CNTNAP2: variants seen among roughly 807,000 people sequenced by gnomAD.
CNTNAP2 encodes contactin associated protein 2, also known as contactin-associated protein-like 2.
CNTNAP2 carries 98 observed loss-of-function variants against 155.2 expected under a neutral mutation model. The observed-to-expected ratio is 0.63, with a 90% confidence interval of 0.54 to 0.75. The LOEUF is 0.75. Ranked by LOEUF, CNTNAP2 falls within the 30% of genes least tolerant of loss-of-function variation. The probability of loss-of-function intolerance (pLI) is 0.00; values close to 1 mark genes in which losing one functional copy is unlikely to be tolerated. For synonymous variants in CNTNAP2, 651 were observed against 631.2 expected (o/e 1.03, Z -0.47); for missense variants, 1,727 against 1,688.1 (o/e 1.02, Z -0.40).
chr7:147,887,270 G>C (rs181796054), intron 13 of CNTNAP2, among the ~76,000 whole-genome samples: 1 of 152,238 alleles, frequency 6.6e-6, no homozygotes, highest in Middle Eastern at 3.4e-3. Context: ...TCAGGAGTTC[G>C]AGACCAGCTT....
intron 1 of CNTNAP2, among the ~76,000 whole-genome samples, chr7:146,642,875 G>T (rs188938757): frequency 6.6e-6 from 1 of 151,752 alleles, no homozygotes; most frequent in Admixed American, 6.6e-5. Flanking sequence ...ATGGTATCTC[G>T]TTGTGGTTTT....
intron 1 of CNTNAP2, among the ~76,000 whole-genome samples, chr7:146,653,582 A>G (rs187284327): frequency 1.3e-5 from 2 of 152,330 alleles, no homozygotes; most frequent in East Asian, 3.9e-4. Flanking sequence ...TTACATTTTT[A>G]AAATTAGACC....
chr7:146,781,656 C>T (rs1802492679), intron 2 of CNTNAP2, among the ~76,000 whole-genome samples: 1 of 152,174 alleles, frequency 6.6e-6, no homozygotes, highest in Non-Finnish European at 1.5e-5. Context: ...CCTTATTCTA[C>T]TCTTGAGAAA....
chr7:147,920,865 G>C (rs1055025589), intron 14 of CNTNAP2, among the ~76,000 whole-genome samples: 2 of 145,290 alleles, frequency 1.4e-5, no homozygotes. Flanking sequence ...GCTGGAGTGC[G>C]GTGGCGTGAT....
At chr7:146,862,643 C>T (rs1207647200) in intron 3 of CNTNAP2, among the ~76,000 whole-genome samples, 2 of 152,192 alleles carry the variant, frequency 1.3e-5, no homozygotes. Context: ...ATATCACAGA[C>T]AACTCTCAAA....
chr7:146,613,559 T>TA (rs771676113), intron 1 of CNTNAP2, among the ~76,000 whole-genome samples: 2 of 151,702 alleles, frequency 1.3e-5, no homozygotes, highest in African/African-American at 2.4e-5. Flanking sequence ...GTCGAAAGAG[T>TA]AAAAAAAGAT....
At chr7:146,546,195 G>C (rs2129141859) in intron 1 of CNTNAP2, among the ~76,000 whole-genome samples, 1 of 152,036 alleles carries the variant, frequency 6.6e-6, no homozygotes, top group East Asian at 1.9e-4. Context: ...GAAGACTGAT[G>C]TTGGGAGATT....
chr7:147,562,400 A>ACATTTCATCATCTTATC, intron 12 of CNTNAP2, 143 bp downstream of exon 12: 1 of 1,068,588 alleles, frequency 9.4e-7, no homozygotes, highest in Non-Finnish European at 1.4e-6. Context: ...GTTAGATAAG[A>ACATTTCATCATCTTATC]TGATGAAATG....
chr7:146,877,500 G>A (rs1375087760), intron 3 of CNTNAP2, among the ~76,000 whole-genome samples: 1 of 151,430 alleles, frequency 6.6e-6, no homozygotes, highest in Admixed American at 6.6e-5. Flanking sequence ...ACAAGAGCCT[G>A]TCTGTAAAAT....
chr7:148,144,341 C>T (rs1171902243), intron 16 of CNTNAP2, among the ~76,000 whole-genome samples: 3 of 152,134 alleles, frequency 2.0e-5, no homozygotes, highest in Non-Finnish European at 4.4e-5. Context: ...TTGGGGTTTC[C>T]TAAGTCCAGG....
intron 20 of CNTNAP2, among the ~76,000 whole-genome samples, chr7:148,244,386 GT>G (rs755331843): frequency 1.3e-5 from 2 of 152,144 alleles, no homozygotes; most frequent in African/African-American, 4.8e-5. Flanking sequence ...TGAGAAGGCT[GT>G]TTTTTAGGAA....
At chr7:146,462,763 A>G (rs537751577) in intron 1 of CNTNAP2, among the ~76,000 whole-genome samples, 24 of 151,888 alleles carry the variant, frequency 1.6e-4, no homozygotes, top group Non-Finnish European at 2.5e-4. Flanking sequence ...AAACTTATTT[A>G]CTCCTTGTAG....
Position 146,702,294 on chromosome 7 carries a change from A to T in CNTNAP2, c.98-71977A>T, listed in dbSNP as rs1404371451. Among the ~76,000 whole-genome samples the T allele has an allele frequency of 3.3e-5, 5 of 152,176 alleles. No individual in the cohort carries two copies. The South Asian group carries it at 1.0e-3, about 31-fold the overall frequency. ...GAATTGTGAAATTCTTTAGAAAAGCATTCTATAGAAAAAAATTAAGTATTC... is the reference window on the plus strand; with the variant it reads ...GAATTGTGAAATTCTTTAGAAAAGCTTTCTATAGAAAAAAATTAAGTATTC... On this transcript the variant is annotated intron_variant, in intron 1 of 23. Transcript: ENST00000361727.
intron 18 of CNTNAP2, among the ~76,000 whole-genome samples, chr7:148,201,600 C>T (rs1795371868): frequency 6.6e-6 from 1 of 152,150 alleles, no homozygotes; most frequent in Middle Eastern, 3.4e-3. Context: ...AGTTGGTTTC[C>T]CTAATTCTCA....
At chr7:146,502,855 T>C (rs1406251817) in intron 1 of CNTNAP2, among the ~76,000 whole-genome samples, 1 of 152,210 alleles carries the variant, frequency 6.6e-6, no homozygotes, top group Non-Finnish European at 1.5e-5. Flanking sequence ...CCTCAAGTGA[T>C]CTGCCTGCCT....
At chr7:146,348,272 C>A (rs7791641) in intron 1 of CNTNAP2, among the ~76,000 whole-genome samples, 35,060 of 151,682 alleles carry the variant, frequency 0.23, 8,465 homozygotes, top group African/African-American at 0.62. Context: ...TATAAAAAAA[C>A]AAATTAGCTG....
At chr7:146,664,631 A>G (rs1410609881) in intron 1 of CNTNAP2, among the ~76,000 whole-genome samples, 2 of 152,152 alleles carry the variant, frequency 1.3e-5, no homozygotes, top group Non-Finnish European at 2.9e-5. Context: ...TTTCTCCACA[A>G]GGTTTTCTAT....
At chr7:146,904,125 C>G (rs769446598) in intron 3 of CNTNAP2, among the ~76,000 whole-genome samples, 2 of 152,166 alleles carry the variant, frequency 1.3e-5, no homozygotes, top group Non-Finnish European at 2.9e-5. Context: ...CCCACAATAT[C>G]TTAATGATTT....
intron 1 of CNTNAP2, among the ~76,000 whole-genome samples, chr7:146,472,225 G>T (rs961056233): frequency 1.1e-4 from 16 of 152,118 alleles, no homozygotes; most frequent in Non-Finnish European, 2.1e-4. Flanking sequence ...AGGGAATATG[G>T]AGGTCTGCGC....
Sources: allele counts gnomAD v4.1 joint callset (sites outside exome capture counted in the v4.1 genomes callset), GRCh38; gene constraint gnomAD v4.1.1; transcripts MANE v1.5; gene names NCBI Gene and HGNC (gene_info 2026-07-23, HGNC 2026-07-21).